PACC1: variants seen among roughly 807,000 people sequenced by gnomAD.
PACC1 encodes proton-activated chloride channel.
A neutral mutation model predicts 39.7 loss-of-function variants in PACC1; 34 were observed. The ratio of observed to expected loss-of-function variants is 0.86; its 90% CI spans 0.65 to 1.14. The LOEUF is 1.14. Ranked by LOEUF, PACC1 falls within the 50% of genes most tolerant of loss-of-function variation. The pLI, the probability that PACC1 is intolerant of heterozygous loss-of-function variation, is 0.00. For missense variants in PACC1, 379 were observed against 436.4 expected, an observed-to-expected ratio of 0.87 and a Z score of 1.17; for synonymous variants, 127 against 160.6, an observed-to-expected ratio of 0.79 and a Z score of 1.58.
At chr1:212,389,775 T>C (rs908175830) in intron 2 of PACC1, among the ~76,000 whole-genome samples, 1 of 152,052 alleles carries the variant, frequency 6.6e-6, no homozygotes, top group Non-Finnish European at 1.5e-5. Context: ...ATGGTGGTGA[T>C]GGTTGCACAG....
chr1:212,413,804 G>A, intron 1 of PACC1: 1 of 1,344,668 alleles, frequency 7.4e-7, no homozygotes, highest in Non-Finnish European at 9.8e-7. Flanking sequence ...AGGCAAATCT[G>A]GAGAGTATAA....
intron 2 of PACC1, among the ~76,000 whole-genome samples, chr1:212,392,093 T>C (rs1419611459): frequency 1.3e-5 from 2 of 151,986 alleles, no homozygotes; most frequent in East Asian, 1.9e-4. Context: ...ATACAGAGAA[T>C]GCCACAAAGA....
In PACC1 at chr1:212,410,417, G is replaced by A. The variant is rs760971298; in HGVS notation, c.133+8C>T. The stretch of plus-strand genomic sequence containing the variant: ...GCAACAGCACAGCAAAGCACCAAAC[G>A]CACTCACCTGGTAAGATACCCGGAC... On this transcript the variant is annotated splice_region_variant and intron_variant, in intron 2 of 7. Coordinates refer to ENST00000261455, the MANE Select transcript of PACC1 (RefSeq NM_018252.3). 7.6e-5 allele frequency: 122 copies of A among 1,613,204 alleles called. No individual in the cohort carries two copies. The highest frequency in any genetic ancestry group is 5.0e-4 in the Middle Eastern group (3 of 6,056).
intron 7 of PACC1, among the ~76,000 whole-genome samples, chr1:212,371,469 T>C (rs1387883901): frequency 1.3e-5 from 2 of 152,050 alleles, no homozygotes; most frequent in African/African-American, 4.8e-5. Flanking sequence ...GAAAAATTCC[T>C]GGATACATTG....
intron 2 of PACC1, among the ~76,000 whole-genome samples, chr1:212,392,551 A>G (rs1434663753): frequency 6.6e-6 from 1 of 152,228 alleles, no homozygotes; most frequent in African/African-American, 2.4e-5. Context: ...CAAAATAACC[A>G]GCTAACATCA....
chr1:212,408,642 A>G (rs910741614), intron 2 of PACC1, among the ~76,000 whole-genome samples: 3 of 152,166 alleles, frequency 2.0e-5, no homozygotes, highest in East Asian at 3.9e-4. Context: ...CATTACAGGC[A>G]TGAGCCACCG....
At chr1:212,368,309 C>T (rs1660317260) in intron 7 of PACC1, among the ~76,000 whole-genome samples, 1 of 152,062 alleles carries the variant, frequency 6.6e-6, no homozygotes, top group Non-Finnish European at 1.5e-5. Flanking sequence ...GAAATAAACA[C>T]CTAAATCTTC....
intron 2 of PACC1, among the ~76,000 whole-genome samples, chr1:212,400,865 C>T (rs1159530646): frequency 3.3e-5 from 5 of 152,138 alleles, no homozygotes; most frequent in Non-Finnish European, 7.3e-5. Flanking sequence ...CCCCAGAATG[C>T]AAGTTCATCC....
intron 7 of PACC1, among the ~76,000 whole-genome samples, chr1:212,372,583 T>C (rs1379370714): frequency 6.6e-6 from 1 of 152,316 alleles, no homozygotes; most frequent in African/African-American, 2.4e-5. Context: ...TATGATCTTA[T>C]ATTTTGAAAA....
intron 4 of PACC1, among the ~76,000 whole-genome samples, chr1:212,384,018 T>C (rs1661003320): frequency 6.6e-6 from 1 of 152,212 alleles, no homozygotes; most frequent in Admixed American, 6.5e-5. Flanking sequence ...CTAACGGTGC[T>C]GATTCCAAGC....
At chr1:212,384,178 C>G (rs989093049) in intron 4 of PACC1, among the ~76,000 whole-genome samples, 5 of 152,166 alleles carry the variant, frequency 3.3e-5, no homozygotes, top group Non-Finnish European at 7.3e-5. Flanking sequence ...GTCTGGTCCA[C>G]TGGTGATATC....
intron 2 of PACC1, among the ~76,000 whole-genome samples, chr1:212,391,274 G>A (rs1440314923): frequency 1.3e-5 from 2 of 152,184 alleles, no homozygotes; most frequent in Non-Finnish European, 2.9e-5. Context: ...AGCAACATTG[G>A]CTGTTCATCA....
At chr1:212,399,007 T>C (rs888435576) in intron 2 of PACC1, among the ~76,000 whole-genome samples, 1 of 152,238 alleles carries the variant, frequency 6.6e-6, no homozygotes, top group Non-Finnish European at 1.5e-5. Flanking sequence ...CACAGCTATT[T>C]AGCTTGGAAG....
In PACC1 at chr1:212,378,008, G is replaced by A. The variant is rs141595415; in HGVS notation, c.639-302C>T. On this transcript the variant is annotated intron_variant, in intron 5 of 7. Transcript: ENST00000261455. The stretch of plus-strand genomic sequence containing the variant: ...CCTCCCTCCTCCCATCATTCCTATC[G>A]ATGGCTACCAAAGCTGTCGGCAATG... Among the ~76,000 whole-genome samples, 190 of 152,146 alleles carry A rather than the reference G, an allele frequency of 1.2e-3. 1 individual carries two copies. Among genetic ancestry groups the A allele is most frequent in the African/African-American group, 4.3e-3 (180 of 41,500 alleles).
intron 7 of PACC1, among the ~76,000 whole-genome samples, chr1:212,365,756 T>A (rs143603020): frequency 6.6e-6 from 1 of 152,140 alleles, no homozygotes; most frequent in East Asian, 1.9e-4. Context: ...AAATACTGAC[T>A]CCTCCCTATA....
At chr1:212,370,557 G>A (rs1660411263) in intron 7 of PACC1, among the ~76,000 whole-genome samples, 1 of 152,140 alleles carries the variant, frequency 6.6e-6, no homozygotes, top group African/African-American at 2.4e-5. Context: ...CACAAAACAA[G>A]TTTCAACTAA....
intron 2 of PACC1, among the ~76,000 whole-genome samples, chr1:212,406,718 TG>T (rs1661934485): frequency 6.6e-6 from 1 of 152,224 alleles, no homozygotes; most frequent in Non-Finnish European, 1.5e-5. Context: ...GGAATGCTCT[TG>T]CCAGTTGATG....
intron 7 of PACC1, 149 bp from the exon 8 acceptor site, chr1:212,365,525 G>C (rs1244465031): frequency 1.3e-6 from 1 of 790,176 alleles, no homozygotes; most frequent in Admixed American, 3.4e-5. Flanking sequence ...CCGCTTCCTG[G>C]GTTCAAGCAA....
At chr1:212,409,110 G>A (rs1662031072) in intron 2 of PACC1, among the ~76,000 whole-genome samples, 1 of 152,212 alleles carries the variant, frequency 6.6e-6, no homozygotes, top group Non-Finnish European at 1.5e-5. Context: ...ATAATCTGAG[G>A]TGGAACAGTT....
Sources: gnomAD v4.1 joint callset for allele counts (sites outside exome capture counted in the v4.1 genomes callset) on GRCh38, gnomAD v4.1.1 for gene constraint, MANE v1.5 for transcripts, NCBI Gene and HGNC (gene_info 2026-07-23, HGNC 2026-07-21) for gene names.